MLLT3: variants seen among roughly 807,000 people sequenced by gnomAD.
MLLT3 encodes the protein protein AF-9.
In MLLT3, 4 loss-of-function variants were observed where a neutral mutation model predicts 53.2. The observed-to-expected ratio is 0.08, with a 90% confidence interval of 0.04 to 0.17. The LOEUF is 0.17. Ranked by LOEUF, MLLT3 falls within the 10% of genes least tolerant of loss-of-function variation. The probability of loss-of-function intolerance (pLI) is 1.00; values close to 1 mark genes in which losing one functional copy is unlikely to be tolerated. For missense variants in MLLT3, 569 were observed against 684.0 expected (o/e 0.83, Z 1.87); for synonymous variants, 283 against 230.6 (o/e 1.23, Z -2.06).
At chr9:20,595,180 G>T (rs1820226684) in intron 2 of MLLT3, among the ~76,000 whole-genome samples, 1 of 151,992 alleles carries the variant, frequency 6.6e-6, no homozygotes. Flanking sequence ...AACAAAGTGA[G>T]ATCTCCATCT....
intron 2 of MLLT3, among the ~76,000 whole-genome samples, chr9:20,534,109 A>T (rs1371801386): frequency 6.6e-6 from 1 of 151,998 alleles, no homozygotes; most frequent in Non-Finnish European, 1.5e-5. Context: ...AGTCATCCTT[A>T]AAAAAAAGCT....
chr9:20,504,841 T>C (rs1825345815), intron 2 of MLLT3, among the ~76,000 whole-genome samples: 2 of 152,270 alleles, frequency 1.3e-5, no homozygotes, highest in South Asian at 4.1e-4. Context: ...TTATACACTA[T>C]AAATATGTAT....
At chr9:20,515,677 T>C (rs1304602432) in intron 2 of MLLT3, among the ~76,000 whole-genome samples, 1 of 152,192 alleles carries the variant, frequency 6.6e-6, no homozygotes, top group African/African-American at 2.4e-5. Flanking sequence ...TATTTTTCTT[T>C]CTTTGGATGT....
chr9:20,511,285 ATAAT>A (rs1399364299), intron 2 of MLLT3, among the ~76,000 whole-genome samples: 2 of 152,206 alleles, frequency 1.3e-5, no homozygotes, highest in East Asian at 3.8e-4. Context: ...AAAAAAATAA[ATAAT>A]TAAGAACAAA....
At chr9:20,407,253 A>T (rs1441101208) in intron 5 of MLLT3, among the ~76,000 whole-genome samples, 1 of 152,252 alleles carries the variant, frequency 6.6e-6, no homozygotes, top group East Asian at 1.9e-4. Context: ...GCTCTGTGAA[A>T]CATAAATTCT....
At chr9:20,545,824 G>C (rs1818771718) in intron 2 of MLLT3, among the ~76,000 whole-genome samples, 1 of 135,482 alleles carries the variant, frequency 7.4e-6, no homozygotes, top group South Asian at 2.3e-4. Flanking sequence ...TTCGAGACTA[G>C]CCTGGGAAAT....
intron 2 of MLLT3, among the ~76,000 whole-genome samples, chr9:20,489,133 C>T (rs1187932100): frequency 2.0e-5 from 3 of 152,056 alleles, no homozygotes; most frequent in Non-Finnish European, 4.4e-5. Context: ...AAACAAATTC[C>T]TTGTTTCTCC....
At chr9:20,564,457 C>A (rs151270502) in intron 2 of MLLT3, among the ~76,000 whole-genome samples, 11 of 152,244 alleles carry the variant, frequency 7.2e-5, no homozygotes, top group South Asian at 2.1e-4. Context: ...GATGAGCAAG[C>A]CTCGAATTTG....
At chr9:20,353,716 C>G (rs1821094014) in intron 9 of MLLT3, 120 bp from the exon 10 acceptor site, 1 of 806,624 alleles carries the variant, frequency 1.2e-6, no homozygotes, top group African/African-American at 1.7e-5. Context: ...TTACACCACT[C>G]TAGCCCAGGC....
intron 5 of MLLT3, among the ~76,000 whole-genome samples, chr9:20,376,092 G>GA (rs1228367134): frequency 6.6e-6 from 1 of 151,864 alleles, no homozygotes; most frequent in Admixed American, 6.6e-5. Context: ...TAATATCCAA[G>GA]AAAAAAATAC....
At chr9:20,363,658 A>C (rs960708847) in intron 6 of MLLT3, 53 bp from the exon 7 acceptor site, 2 of 1,579,652 alleles carry the variant, frequency 1.3e-6, no homozygotes, top group East Asian at 4.5e-5. Flanking sequence ...AAACACACTT[A>C]GCCATATTAG....
Position 20,343,603 on chromosome 9 carries a change from C to T in MLLT3, c.*2840G>A, listed in dbSNP as rs115524036. The stretch of plus-strand genomic sequence containing the variant: ...ATAAGGGGGCAGAGGGGCAGGAGCT[C>T]TGTACATATATTTTTTCCCCTGGCT... On this transcript the variant is annotated 3_prime_UTR_variant, in exon 11 of 11. Coordinates refer to ENST00000380338, the MANE Select transcript of MLLT3 (RefSeq NM_004529.4). 2.5e-4 allele frequency: 57 copies of T among 229,736 alleles called. No individual in the cohort carries two copies. The highest frequency in any genetic ancestry group is 1.1e-3 in the African/African-American group (50 of 45,218). 14.2% of individuals were successfully genotyped at this position (229,736 alleles called of 1,614,324 possible).
intron 2 of MLLT3, among the ~76,000 whole-genome samples, chr9:20,514,893 A>G (rs1291398417): frequency 1.3e-5 from 2 of 151,512 alleles, no homozygotes; most frequent in East Asian, 3.9e-4. Context: ...CACCAGTAAT[A>G]TCTTCAAGGC....
At chr9:20,394,563 A>T (rs557264203) in intron 5 of MLLT3, among the ~76,000 whole-genome samples, 1 of 152,270 alleles carries the variant, frequency 6.6e-6, no homozygotes, top group African/African-American at 2.4e-5. Context: ...CAAAGGAGAC[A>T]TCATGTCTGG....
intron 4 of MLLT3, among the ~76,000 whole-genome samples, chr9:20,446,617 G>C (rs1823708020): frequency 1.3e-5 from 2 of 152,122 alleles, no homozygotes; most frequent in Non-Finnish European, 1.5e-5. Flanking sequence ...CAACCCAAGA[G>C]AGATAATCAG....
chr9:20,418,326 T>C (rs1822924720), intron 4 of MLLT3: 1 of 152,232 alleles, frequency 6.6e-6, no homozygotes, highest in Non-Finnish European at 1.5e-5. Flanking sequence ...CAAATAGCTT[T>C]GTGCAGTGGC....
intron 2 of MLLT3, among the ~76,000 whole-genome samples, chr9:20,560,616 G>A (rs1819178956): frequency 6.6e-6 from 1 of 152,150 alleles, no homozygotes; most frequent in Non-Finnish European, 1.5e-5. Context: ...AAACCTAATA[G>A]TAGAAGAAGC....
chr9:20,408,795 C>G (rs1229563167), intron 5 of MLLT3, among the ~76,000 whole-genome samples: 1 of 152,206 alleles, frequency 6.6e-6, no homozygotes, highest in Admixed American at 6.5e-5. Context: ...ACGTTTACTA[C>G]CAGCTCCAGA....
intron 5 of MLLT3, among the ~76,000 whole-genome samples, chr9:20,403,131 C>A (rs1435414618): frequency 3.3e-5 from 5 of 149,398 alleles, no homozygotes; most frequent in African/African-American, 2.5e-5. Flanking sequence ...AAAAAAAAAA[C>A]AATGAGACCC....
Sources: allele counts gnomAD v4.1 joint callset (sites outside exome capture counted in the v4.1 genomes callset), GRCh38; gene constraint gnomAD v4.1.1; transcripts MANE v1.5; gene names NCBI Gene and HGNC (gene_info 2026-07-23, HGNC 2026-07-21).